Variants in P2RY12 observed in about 807,000 individuals in gnomAD.
P2RY12 encodes P2Y purinoceptor 12.
In P2RY12, 3 loss-of-function variants were observed where a neutral mutation model predicts 4.5. The ratio of observed to expected loss-of-function variants is 0.67; its 90% CI spans 0.31 to 1.74. The LOEUF (loss-of-function observed/expected upper bound fraction) is 1.74. Among genes scored for constraint, P2RY12 ranks in the 40% most tolerant of loss-of-function variants. The pLI, the probability that P2RY12 is intolerant of heterozygous loss-of-function variation, is 0.09. For synonymous variants in P2RY12, 148 were observed against 154.1 expected (o/e 0.96, Z 0.29); for missense variants, 356 against 407.8 (o/e 0.87, Z 1.09).
chr3:151,352,756 C>T (rs1354272510), intron 1 of P2RY12, among the ~76,000 whole-genome samples: 1 of 152,066 alleles, frequency 6.6e-6, no homozygotes, highest in Non-Finnish European at 1.5e-5. Flanking sequence ...TTTGCCTTGA[C>T]CAGTTATCTT....
At chr3:151,365,885 C>T in intron 1 of P2RY12, 2 of 1,612,356 alleles carry the variant, frequency 1.2e-6, no homozygotes, top group Non-Finnish European at 1.7e-6. Flanking sequence ...TCTGAGCTTA[C>T]GGCTTGCTGC....
intron 1 of P2RY12, chr3:151,376,237 T>G: frequency 1.5e-6 from 2 of 1,368,002 alleles, no homozygotes; most frequent in Admixed American, 2.8e-5. Flanking sequence ...CAGATTGTGT[T>G]TCTGTCATTT....
intron 1 of P2RY12, chr3:151,349,918 G>T: frequency 1.7e-6 from 1 of 578,530 alleles, no homozygotes; most frequent in Admixed American, 2.9e-5. Context: ...TGCCAGTGGA[G>T]GTTGAGGTGA....
intron 1 of P2RY12, among the ~76,000 whole-genome samples, chr3:151,361,304 A>C (rs1217842672): frequency 6.6e-6 from 1 of 152,124 alleles, no homozygotes; most frequent in Non-Finnish European, 1.5e-5. Flanking sequence ...TTTTTTTAAA[A>C]TGACCAGTAC....
In P2RY12 at chr3:151,346,478, G is replaced by A. The variant is rs559201079; in HGVS notation, c.-179-5718C>T. ...TCTTACTTTAACCGCTTGTTTCTTAGCTTTGTGCCCTGCCACTTAGAGAAA... is the reference window on the plus strand; with the variant it reads ...TCTTACTTTAACCGCTTGTTTCTTAACTTTGTGCCCTGCCACTTAGAGAAA... On this transcript the variant is annotated intron_variant, in intron 1 of 2. Transcript: ENST00000302632. Among the ~76,000 whole-genome samples the A allele has an allele frequency of 1.6e-4, 25 of 152,132 alleles. No individual in the cohort carries two copies. The East Asian group carries it at 1.7e-3, about 11-fold the overall frequency.
intron 1 of P2RY12, chr3:151,376,831 G>C (rs778128821): frequency 6.2e-7 from 1 of 1,613,974 alleles, no homozygotes; most frequent in South Asian, 1.1e-5. Flanking sequence ...AGGCAATCCT[G>C]GTTAGAACTC....
At position 151,368,281 on chromosome 3, in the gene P2RY12, C is replaced by A. The variant is rs771687404; in HGVS notation, c.-180+16411G>T. On this transcript the variant is annotated intron_variant, in intron 1 of 2. Transcript: ENST00000302632. ...GCTGACTGCAGAAAAATCTGATTAC[C>A]TTTTCATTGGTAGCTAAAGTTTCTA... The A allele has an allele frequency of 4.5e-6, 7 of 1,571,250 alleles. No individual in the cohort carries two copies. The East Asian group carries it at 1.6e-4, about 35-fold the overall frequency.
At position 151,360,365 on chromosome 3, in the gene P2RY12, A is replaced by G. The variant is rs962994235; in HGVS notation, c.-179-19605T>C. 26 of 968,350 alleles carry G rather than the reference A, an allele frequency of 2.7e-5. No individual in the cohort carries two copies. The East Asian group carries it at 3.7e-4, about 14-fold the overall frequency. 60.0% of individuals were successfully genotyped at this position (968,350 alleles called of 1,614,324 possible). ...TCTATTTATTAGTTTCAACAATCCAATATCCTTTTTCTTACCCAAGTGATA... is the reference window on the plus strand; with the variant it reads ...TCTATTTATTAGTTTCAACAATCCAGTATCCTTTTTCTTACCCAAGTGATA... On this transcript the variant is annotated intron_variant, in intron 1 of 2. Transcript: ENST00000302632.
intron 1 of P2RY12, among the ~76,000 whole-genome samples, chr3:151,356,561 A>G (rs928170994): frequency 1.3e-5 from 2 of 152,164 alleles, no homozygotes; most frequent in African/African-American, 4.8e-5. Context: ...TCAATTAAAT[A>G]ATTATCATTG....
In P2RY12 at chr3:151,337,891, C is replaced by A; in HGVS notation, c.955G>T (p.Ala319Ser). The change falls in exon 3 of 3, where the codon GCA becomes TCA. Residue 319 changes from alanine (A) to serine (S), a missense_variant. Ala to Ser is a moderately conservative substitution (Grantham distance 99). Transcript: ENST00000302632. ...CTATTGTCCTGGGACAGAGATGTTGCAGAATTGGGGCACTTCAGCATACTT... is the reference window on the plus strand; with the variant it reads ...CTATTGTCCTGGGACAGAGATGTTGAAGAATTGGGGCACTTCAGCATACTT... ...LISMLKCPNSATSLSQDNRKK... is the reference protein window; with the variant it reads ...LISMLKCPNSSTSLSQDNRKK... The A allele has an allele frequency of 6.2e-7, 1 of 1,614,094 alleles. No homozygotes were observed. Among genetic ancestry groups the A allele is most frequent in the African/African-American group, 1.3e-5 (1 of 75,018 alleles).
intron 1 of P2RY12, among the ~76,000 whole-genome samples, chr3:151,358,815 A>C (rs1274578923): frequency 6.6e-6 from 1 of 152,200 alleles, no homozygotes; most frequent in South Asian, 2.1e-4. Flanking sequence ...TTGCAAATCA[A>C]AGAAGTTGAG....
intron 1 of P2RY12, chr3:151,376,822 G>C: frequency 6.2e-7 from 1 of 1,613,980 alleles, no homozygotes; most frequent in South Asian, 1.1e-5. Context: ...TGGACACTGA[G>C]GCAATCCTGG....
chr3:151,379,619 C>A (rs575182665), intron 1 of P2RY12, among the ~76,000 whole-genome samples: 50 of 152,280 alleles, frequency 3.3e-4, no homozygotes, highest in African/African-American at 1.2e-3. Flanking sequence ...GCTCTACTAA[C>A]ACCCTGCTTT....
chr3:151,367,821 G>T, intron 1 of P2RY12: 2 of 1,555,790 alleles, frequency 1.3e-6, no homozygotes, highest in South Asian at 2.4e-5. Flanking sequence ...TTGATGGAGT[G>T]GTTTCTAACA....
At chr3:151,370,252 C>T (rs1756010453) in intron 1 of P2RY12, among the ~76,000 whole-genome samples, 1 of 152,118 alleles carries the variant, frequency 6.6e-6, no homozygotes. Context: ...ATTAGGAAGT[C>T]TTCAAGTCAG....
chr3:151,381,745 C>A (rs1309788892), intron 1 of P2RY12, among the ~76,000 whole-genome samples: 2 of 152,130 alleles, frequency 1.3e-5, no homozygotes, highest in Non-Finnish European at 2.9e-5. Context: ...TATTTGAGCT[C>A]CATGAGAGCT....
In P2RY12 at chr3:151,344,184, A is replaced by G. The variant is rs144801472; in HGVS notation, c.-179-3424T>C. Among the ~76,000 whole-genome samples, 508 of 152,196 alleles carry G rather than the reference A, an allele frequency of 3.3e-3. 4 individuals carry two copies. Among genetic ancestry groups the G allele is most frequent in the African/African-American group, 0.012 (479 of 41,530 alleles). On this transcript the variant is annotated intron_variant, in intron 1 of 2. Transcript: ENST00000302632. Reference sequence around the variant, plus strand: ...GAAGAGGACTAGTAGATATATAAATATCAGTCATACTGTGGACTATAAGCT... The same window carrying G: ...GAAGAGGACTAGTAGATATATAAATGTCAGTCATACTGTGGACTATAAGCT...
At chr3:151,346,485 G>A (rs1185004016) in intron 1 of P2RY12, among the ~76,000 whole-genome samples, 1 of 152,026 alleles carries the variant, frequency 6.6e-6, no homozygotes, top group Non-Finnish European at 1.5e-5. Context: ...TTAGCTTTGT[G>A]CCCTGCCACT....
chr3:151,337,971 C>T lies in P2RY12; in HGVS notation c.875G>A (p.Cys292Tyr). The T allele has an allele frequency of 6.2e-7, 1 of 1,614,098 alleles. No homozygotes were observed. Among genetic ancestry groups the T allele is most frequent in the Non-Finnish European group, 8.5e-7 (1 of 1,179,994 alleles). ...STLWLTSLNACLDPFIYFFLC... is the reference protein window; with the variant it reads ...STLWLTSLNAYLDPFIYFFLC... ...GAAAAAATAGATGAACGGATCCAGGCATGCATTTAAGGAAGTTAACCACAG... is the reference window on the plus strand; with the variant it reads ...GAAAAAATAGATGAACGGATCCAGGTATGCATTTAAGGAAGTTAACCACAG... Residue 292 changes from cysteine (C) to tyrosine (Y), a missense_variant, in exon 3 of 3, where the codon TGC (cysteine) becomes TAC (tyrosine). Coordinates refer to ENST00000302632, the MANE Select transcript of P2RY12 (RefSeq NM_022788.5).
Sources: gnomAD v4.1 joint callset for allele counts (sites outside exome capture counted in the v4.1 genomes callset) on GRCh38, gnomAD v4.1.1 for gene constraint, MANE v1.5 for transcripts, NCBI Gene and HGNC (gene_info 2026-07-23, HGNC 2026-07-21) for gene names.